The following KYNU variants were observed in gnomAD, a reference collection of about 807,000 sequenced individuals.
KYNU encodes L-kynurenine hydrolase.
In KYNU, 54 loss-of-function variants were observed where a neutral mutation model predicts 59.2. That is an observed-to-expected ratio of 0.91 (90% CI 0.73 to 1.14). The LOEUF is 1.14. Ranked by LOEUF, KYNU falls within the 50% of genes most tolerant of loss-of-function variation. KYNU has a pLI of 0.00. For synonymous variants in KYNU, 177 were observed against 192.0 expected (o/e 0.92, Z 0.65); for missense variants, 567 against 554.4 (o/e 1.02, Z -0.23).
At chr2:142,915,118 TGTG>T (rs572884310) in intron 2 of KYNU, among the ~76,000 whole-genome samples, 192 of 152,346 alleles carry the variant, frequency 1.3e-3, no homozygotes, top group African/African-American at 4.4e-3. Context: ...CTTGTTGAGT[TGTG>T]GTAATTTTTG....
In KYNU at chr2:143,040,504, A is replaced by G. The variant is rs752390021; in HGVS notation, c.1118A>G (p.Lys373Arg). ...LLTGYLEYLI[K>R]HNYGKDKAAT... ...ACTGGCTATCTGGAATACCTGATCAAGCATAACTATGGCAAAGATAAAGCA... is the reference window on the plus strand; with the variant it reads ...ACTGGCTATCTGGAATACCTGATCAGGCATAACTATGGCAAAGATAAAGCA... Residue 373 changes from lysine to arginine, a missense_variant, in exon 13 of 14, where the codon AAG becomes AGG. Physicochemically the swap from Lys to Arg is conservative, Grantham distance 26 (BLOSUM62 2). Coordinates refer to ENST00000264170, the MANE Select transcript of KYNU (RefSeq NM_003937.3). 1.2e-6 allele frequency: 2 copies of G among 1,613,238 alleles called. No individual in the cohort carries two copies. Among genetic ancestry groups the G allele is most frequent in the African/African-American group, 1.3e-5 (1 of 74,890 alleles).
At position 142,905,104 on chromosome 2, in the gene KYNU, C is replaced by A. The variant is rs1354284433; in HGVS notation, c.170-13505C>A. On this transcript the variant is annotated intron_variant, in intron 2 of 13. Transcript: ENST00000264170. ...GTCAGGAGTGAGATGGAGTTCTTTG[C>A]CCACTAGGGTCTTTGTCCTTCTTTA... is the stretch of plus-strand genomic sequence containing the variant. Among the ~76,000 whole-genome samples the A allele has an allele frequency of 2.0e-5, 3 of 152,276 alleles. No individual in the cohort carries two copies. In the East Asian group the frequency reaches 5.8e-4, roughly 29 times the overall value.
At chr2:142,943,031 A>C (rs555654296) in intron 4 of KYNU, among the ~76,000 whole-genome samples, 2 of 152,136 alleles carry the variant, frequency 1.3e-5, no homozygotes, top group South Asian at 2.1e-4. Flanking sequence ...CCACTCACCC[A>C]AATCCTGAGA....
intron 2 of KYNU, among the ~76,000 whole-genome samples, chr2:142,894,543 A>G (rs1681807579): frequency 6.6e-6 from 1 of 152,172 alleles, no homozygotes; most frequent in Non-Finnish European, 1.5e-5. Context: ...AAGAAACATA[A>G]CATTGCCAGC....
chr2:142,938,168 T>C (rs1683459047), intron 4 of KYNU, among the ~76,000 whole-genome samples: 1 of 152,248 alleles, frequency 6.6e-6, no homozygotes, highest in Non-Finnish European at 1.5e-5. Context: ...TTTTTTATTA[T>C]GTCACATTTA....
At chr2:142,983,596 A>G (rs1053850067) in intron 8 of KYNU, among the ~76,000 whole-genome samples, 10 of 152,072 alleles carry the variant, frequency 6.6e-5, no homozygotes, top group African/African-American at 2.4e-4. Flanking sequence ...TCATATTACT[A>G]GGATACACTT....
chr2:142,912,981 G>A (rs753499958), intron 2 of KYNU, among the ~76,000 whole-genome samples: 3 of 152,084 alleles, frequency 2.0e-5, no homozygotes, highest in Non-Finnish European at 4.4e-5. Flanking sequence ...AAAGTGCTGG[G>A]ATTACAGGCT....
At position 143,040,584 on chromosome 2, in the gene KYNU, G is replaced by A. The variant is rs1558988925; in HGVS notation, c.1198G>A (p.Gly400Arg). ...IITPSHVEERGCQLTITFSVP... is the reference protein window; with the variant it reads ...IITPSHVEERRCQLTITFSVP... Reference sequence around the variant, plus strand: ...TACTCCGTCTCATGTAGAGGAGCGGGGGTGCCAGCTAACAATAACATTTTC... The same window carrying A: ...TACTCCGTCTCATGTAGAGGAGCGGAGGTGCCAGCTAACAATAACATTTTC... Residue 400 changes from glycine to arginine, a missense_variant, in exon 13 of 14, where the codon GGG (glycine) becomes AGG (arginine). Transcript: ENST00000264170. The A allele has an allele frequency of 1.9e-6, 3 of 1,612,346 alleles. No homozygotes were observed. The highest frequency in any genetic ancestry group is 2.5e-6 in the Non-Finnish European group (3 of 1,179,110).
chr2:142,946,876 T>C (rs1318760742), intron 4 of KYNU, among the ~76,000 whole-genome samples: 1 of 152,210 alleles, frequency 6.6e-6, no homozygotes. Flanking sequence ...ATCCGTTGTT[T>C]AGTGAAGCCT....
chr2:142,880,814 C>A (rs1051042257), intron 1 of KYNU, among the ~76,000 whole-genome samples: 5 of 152,156 alleles, frequency 3.3e-5, no homozygotes, highest in African/African-American at 1.2e-4. Context: ...GCGGTAGAGA[C>A]ACAGTGATCT....
rs1042418047 is a variant in KYNU, at chr2:143,044,534, G to A, written c.*2362G>A. The A allele has an allele frequency of 5.3e-5, 8 of 152,138 alleles. No individual in the cohort carries two copies. Among genetic ancestry groups the A allele is most frequent in the Admixed American group, 1.3e-4 (2 of 15,266 alleles). The allele number at this position is 152,138 out of a possible 1,614,324, so 9.4% of individuals were successfully genotyped here. ...TTTAATGATTAGCATTCTAACTGGC[G>A]TGAGATGGTATTTCATTGTGGTTTT... On this transcript the variant is annotated 3_prime_UTR_variant, in exon 14 of 14. Transcript: ENST00000264170.
At chr2:142,908,579 T>G (rs932015822) in intron 2 of KYNU, among the ~76,000 whole-genome samples, 1 of 152,330 alleles carries the variant, frequency 6.6e-6, no homozygotes, top group South Asian at 2.1e-4. Context: ...GCACTGGTAT[T>G]TGTTCAAGCT....
chr2:142,906,055 CTT>C (rs1573772658), intron 2 of KYNU, among the ~76,000 whole-genome samples: 3 of 145,218 alleles, frequency 2.1e-5, no homozygotes, highest in African/African-American at 8.3e-5. Context: ...CTCTCTGCCT[CTT>C]TCTCTTTCTC....
At chr2:142,936,948 G>A (rs1683410852) in intron 4 of KYNU, among the ~76,000 whole-genome samples, 1 of 152,238 alleles carries the variant, frequency 6.6e-6, no homozygotes, top group Non-Finnish European at 1.5e-5. Flanking sequence ...ATGAGGTGGT[G>A]TGGAGCAACA....
chr2:142,896,221 C>G (rs1019335980), intron 2 of KYNU, among the ~76,000 whole-genome samples: 4 of 152,220 alleles, frequency 2.6e-5, no homozygotes, highest in Non-Finnish European at 4.4e-5. Flanking sequence ...TCCAGAGTGG[C>G]TGTACCATTT....
At chr2:142,927,781 A>G (rs528861495) in intron 4 of KYNU, 40 bp downstream of exon 4, 30 of 1,313,362 alleles carry the variant, frequency 2.3e-5, no homozygotes, top group Admixed American at 5.0e-5. Flanking sequence ...ATGAATTGTA[A>G]AGATGTTATC....
chr2:142,945,079 C>G (rs923459656), intron 4 of KYNU, among the ~76,000 whole-genome samples: 2 of 152,178 alleles, frequency 1.3e-5, no homozygotes, highest in Admixed American at 1.3e-4. Flanking sequence ...ATATTAATGG[C>G]TGCTGACCAA....
intron 4 of KYNU, among the ~76,000 whole-genome samples, chr2:142,931,236 C>A (rs374509224): frequency 6.6e-6 from 1 of 152,154 alleles, no homozygotes; most frequent in Admixed American, 6.5e-5. Context: ...CAGGGAGAAT[C>A]GTACATTCCC....
chr2:142,905,235 G>A (rs955482970), intron 2 of KYNU, among the ~76,000 whole-genome samples: 4 of 152,134 alleles, frequency 2.6e-5, no homozygotes, highest in Non-Finnish European at 5.9e-5. Context: ...TATCTTATGT[G>A]CCTTTTTCCT....
Sources: gnomAD v4.1 joint callset for allele counts (sites outside exome capture counted in the v4.1 genomes callset) on GRCh38, gnomAD v4.1.1 for gene constraint, MANE v1.5 for transcripts, NCBI Gene and HGNC (gene_info 2026-07-23, HGNC 2026-07-21) for gene names.